Variants in MIPEP observed in about 807,000 individuals in gnomAD.
MIPEP encodes mitochondrial intermediate peptidase.
In MIPEP, 79 loss-of-function variants were observed where a neutral mutation model predicts 90.3. That is an observed-to-expected ratio of 0.87 (90% CI 0.73 to 1.05). The LOEUF (loss-of-function observed/expected upper bound fraction) is 1.05. Among genes scored for constraint, MIPEP ranks in the 50% least tolerant of loss-of-function variants. The pLI is 0.00. For missense variants in MIPEP, 940 were observed against 905.6 expected (o/e 1.04, Z -0.49); for synonymous variants, 334 against 315.8 (o/e 1.06, Z -0.61).
chr13:23,754,934 A>G (rs1952476321), intron 18 of MIPEP, among the ~76,000 whole-genome samples: 1 of 152,176 alleles, frequency 6.6e-6, no homozygotes, highest in Non-Finnish European at 1.5e-5. Context: ...GCAGCTGAAG[A>G]GCTTGGTCTG....
intron 14 of MIPEP, among the ~76,000 whole-genome samples, chr13:23,810,216 A>C (rs1412604484): frequency 2.6e-5 from 4 of 152,172 alleles, no homozygotes; most frequent in African/African-American, 4.8e-5. Context: ...TAAAACCTCA[A>C]AGGGAATACT....
At chr13:23,780,291 T>C (rs1952766466) in intron 16 of MIPEP, among the ~76,000 whole-genome samples, 1 of 152,234 alleles carries the variant, frequency 6.6e-6, no homozygotes, top group African/African-American at 2.4e-5. Context: ...ACATTTGCTG[T>C]TCAGCAATAT....
chr13:23,793,820 A>G (rs933325240), intron 16 of MIPEP, among the ~76,000 whole-genome samples: 1 of 151,838 alleles, frequency 6.6e-6, no homozygotes, highest in African/African-American at 2.4e-5. Context: ...AGAGCACTCC[A>G]GGCAGCAGAA....
At chr13:23,784,252 G>T (rs11616200) in intron 16 of MIPEP, among the ~76,000 whole-genome samples, 3 of 151,074 alleles carry the variant, frequency 2.0e-5, no homozygotes, top group Non-Finnish European at 4.4e-5. Context: ...ACAAGGCTAC[G>T]GTAACCAAAA....
At chr13:23,774,406 T>C (rs1006523467) in intron 16 of MIPEP, among the ~76,000 whole-genome samples, 1 of 152,172 alleles carries the variant, frequency 6.6e-6, no homozygotes, top group Admixed American at 6.5e-5. Flanking sequence ...CACATTTCCG[T>C]GAGAAATTTT....
intron 2 of MIPEP, among the ~76,000 whole-genome samples, chr13:23,884,732 C>A (rs1446566086): frequency 6.6e-6 from 1 of 152,236 alleles, no homozygotes; most frequent in Non-Finnish European, 1.5e-5. Flanking sequence ...AGAATATAAA[C>A]TCCATGAAGT....
chr13:23,768,644 A>T (rs1280945438), intron 16 of MIPEP, among the ~76,000 whole-genome samples: 1 of 152,174 alleles, frequency 6.6e-6, no homozygotes, highest in Non-Finnish European at 1.5e-5. Context: ...CTGAGGTAAG[A>T]AGGATCACCT....
At chr13:23,828,377 A>T (rs897137015) in intron 14 of MIPEP, among the ~76,000 whole-genome samples, 2 of 152,252 alleles carry the variant, frequency 1.3e-5, no homozygotes, top group Non-Finnish European at 2.9e-5. Flanking sequence ...GGAAAGGAAA[A>T]ATAAAGCTGT....
chr13:23,826,918 C>G (rs1051401640), intron 14 of MIPEP, among the ~76,000 whole-genome samples: 34 of 152,298 alleles, frequency 2.2e-4, no homozygotes, highest in African/African-American at 7.9e-4. Context: ...TGGAAAAAAA[C>G]TGCATCTGTA....
chr13:23,732,606 T>C (rs576699024), intron 18 of MIPEP, among the ~76,000 whole-genome samples: 66 of 152,342 alleles, frequency 4.3e-4, no homozygotes, highest in African/African-American at 1.6e-3. Flanking sequence ...TATTCATACA[T>C]GCAACAACAC....
intron 16 of MIPEP, among the ~76,000 whole-genome samples, chr13:23,799,589 G>A (rs1272708079): frequency 6.6e-6 from 1 of 152,198 alleles, no homozygotes; most frequent in African/African-American, 2.4e-5. Flanking sequence ...GCCTCCCAAA[G>A]TGCTGGGATT....
chr13:23,798,490 T>C lies in MIPEP; in HGVS notation c.1848+7460A>G, dbSNP rs17337846. ...TGCAGCACACACCTACTCAAAAAGA[T>C]GGACAGGTAACCAATGTTTATAGAT... is the stretch of plus-strand genomic sequence containing the variant. On this transcript the variant is annotated intron_variant, in intron 16 of 18. Coordinates refer to ENST00000382172, the MANE Select transcript of MIPEP (RefSeq NM_005932.4). Among the ~76,000 whole-genome samples the C allele has an allele frequency of 8.7e-3, 1,328 of 152,302 alleles. 10 individuals are homozygous for C. Among genetic ancestry groups the C allele is most frequent in the Non-Finnish European group, 0.015 (995 of 68,026 alleles).
intron 16 of MIPEP, among the ~76,000 whole-genome samples, chr13:23,788,799 T>TAAA (rs1394344131): frequency 1.3e-5 from 2 of 152,234 alleles, no homozygotes; most frequent in Non-Finnish European, 2.9e-5. Flanking sequence ...AACAAATTCT[T>TAAA]AAATGTTACA....
chr13:23,781,003 G>C (rs1422073854), intron 16 of MIPEP, among the ~76,000 whole-genome samples: 1 of 152,196 alleles, frequency 6.6e-6, no homozygotes, highest in East Asian at 1.9e-4. Context: ...GTGACGGGGA[G>C]AATGGAACCA....
At chr13:23,765,604 C>T (rs572159423) in intron 16 of MIPEP, among the ~76,000 whole-genome samples, 5 of 152,320 alleles carry the variant, frequency 3.3e-5, no homozygotes, top group African/African-American at 1.2e-4. Flanking sequence ...CAACCTATTG[C>T]TCTGATGTGT....
chr13:23,881,655 C>T (rs1871274293), intron 3 of MIPEP, 44 bp downstream of exon 3: 3 of 1,496,836 alleles, frequency 2.0e-6, no homozygotes, highest in South Asian at 1.1e-5. Flanking sequence ...GAAACCGGAT[C>T]ACCCAGGACT....
chr13:23,787,738 T>G (rs1418254242), intron 16 of MIPEP, among the ~76,000 whole-genome samples: 1 of 152,208 alleles, frequency 6.6e-6, no homozygotes, highest in Non-Finnish European at 1.5e-5. Flanking sequence ...GGATGCAGCT[T>G]TTCCGAGGCA....
intron 14 of MIPEP, 109 bp downstream of exon 14, chr13:23,836,131 C>G (rs776928316): frequency 6.6e-6 from 4 of 607,190 alleles, no homozygotes; most frequent in Non-Finnish European, 1.1e-5. Flanking sequence ...AGGTTTGTTA[C>G]TAACAGAGGG....
chr13:23,737,028 C>T (rs1207180975), intron 18 of MIPEP, among the ~76,000 whole-genome samples: 1 of 152,200 alleles, frequency 6.6e-6, no homozygotes, highest in Non-Finnish European at 1.5e-5. Context: ...TAAATATCAG[C>T]ATCCTTGATG....
Sources: allele counts gnomAD v4.1 joint callset (sites outside exome capture counted in the v4.1 genomes callset), GRCh38; gene constraint gnomAD v4.1.1; transcripts MANE v1.5; gene names NCBI Gene and HGNC (gene_info 2026-07-23, HGNC 2026-07-21).